The following SLC36A1 variants were observed in gnomAD, a reference collection of about 807,000 sequenced individuals.
SLC36A1 encodes proton-coupled amino acid transporter 1.
In SLC36A1, 30 loss-of-function variants were observed where a neutral mutation model predicts 47.5. The ratio of observed to expected loss-of-function variants is 0.63; its 90% confidence interval spans 0.47 to 0.86. SLC36A1 has a LOEUF of 0.86. Among genes scored for constraint, SLC36A1 ranks in the 40% least tolerant of loss-of-function variants. SLC36A1 has a pLI of 0.00. For missense variants in SLC36A1, 517 were observed against 606.0 expected (o/e 0.85, Z 1.54); for synonymous variants, 255 against 249.7 (o/e 1.02, Z -0.20).
chr5:151,442,229 A>G (rs1305340576), intron 1 of SLC36A1, among the ~76,000 whole-genome samples: 3 of 152,200 alleles, frequency 2.0e-5, no homozygotes, highest in Admixed American at 2.0e-4. Context: ...AGATAGTAAA[A>G]TTGTAACTAT....
At chr5:151,519,781 A>C in the SLC36A1 span, among the ~76,000 whole-genome samples, 4 of 152,106 alleles carry the variant, frequency 2.6e-5, no homozygotes, top group Non-Finnish European at 5.9e-5. Flanking sequence ...CCTCTTTTCA[A>C]CTGATTCTGG....
chr5:151,522,231 A>G, the SLC36A1 span: 2 of 618,094 alleles, frequency 3.2e-6, no homozygotes, highest in Non-Finnish European at 5.5e-6. Context: ...CATTTAGAAA[A>G]AAAAAACCTA....
chr5:151,534,886 G>A, the SLC36A1 span, among the ~76,000 whole-genome samples: 5 of 149,286 alleles, frequency 3.3e-5, no homozygotes, highest in African/African-American at 1.2e-4. Context: ...CTAAAAATAG[G>A]TATATTCTTA....
In SLC36A1 at chr5:151,467,732, C is replaced by T; in HGVS notation, c.530C>T (p.Thr177Ile). 1 of 1,614,054 alleles carries T rather than the reference C, an allele frequency of 6.2e-7. No homozygotes were observed. Among genetic ancestry groups the T allele is most frequent in the South Asian group, 1.1e-5 (1 of 91,064 alleles). The change falls in exon 7 of 11, where the codon ACC (threonine) becomes ATC (isoleucine). Residue 177 changes from threonine to isoleucine, a missense_variant. Coordinates refer to ENST00000243389, the MANE Select transcript of SLC36A1 (RefSeq NM_078483.4). The stretch of plus-strand genomic sequence containing the variant: ...GTGATAGAAGCGGCCAATGGGACCA[C>T]CAATAACTGCCACAACAATGAGACG... ...KQVIEAANGT[T>I]NNCHNNETVI...
the SLC36A1 span, among the ~76,000 whole-genome samples, chr5:151,358,417 A>C: frequency 1.7e-3 from 266 of 152,200 alleles, 1 homozygote; most frequent in Non-Finnish European, 2.5e-3. Flanking sequence ...AACTACAGGC[A>C]TGCACTACTG....
the SLC36A1 span, among the ~76,000 whole-genome samples, chr5:151,367,361 A>ATTTTTTTTTTTTTTT: frequency 2.7e-3 from 317 of 118,810 alleles, 11 homozygotes; most frequent in African/African-American, 8.2e-3. Context: ...CCAGGAATGC[A>ATTTTTTTTTTTTTTT]TTTTTTTTTT....
At chr5:151,422,660 T>C in the SLC36A1 span, among the ~76,000 whole-genome samples, 2 of 151,908 alleles carry the variant, frequency 1.3e-5, no homozygotes, top group African/African-American at 2.4e-5. Context: ...TCCAGGAGTT[T>C]GAGGCTGCAA....
At chr5:151,465,521 A>G (rs937811767) in intron 5 of SLC36A1, among the ~76,000 whole-genome samples, 1 of 152,216 alleles carries the variant, frequency 6.6e-6, no homozygotes, top group East Asian at 1.9e-4. Context: ...AGTTCTAGGT[A>G]AGAAGGGAAG....
intron 1 of SLC36A1, chr5:151,452,332 C>G (rs1315739943): frequency 6.6e-6 from 1 of 152,210 alleles, no homozygotes; most frequent in African/African-American, 2.4e-5. Context: ...TGTCTTTGTT[C>G]ATGTTTTTAG....
At chr5:151,477,481 C>T (rs1758228972) in intron 9 of SLC36A1, 1 of 152,366 alleles carries the variant, frequency 6.6e-6, no homozygotes, top group South Asian at 2.1e-4. Context: ...TCAGTATTTC[C>T]AGGGGCTTTC....
At chr5:151,542,157 G>A in the SLC36A1 span, 8 of 820,238 alleles carry the variant, frequency 9.8e-6, no homozygotes, top group Middle Eastern at 3.8e-4. Flanking sequence ...GTCCTAGGGG[G>A]TTAAGTGTGC....
At chr5:151,429,021 A>AC in the SLC36A1 span, among the ~76,000 whole-genome samples, 1 of 152,170 alleles carries the variant, frequency 6.6e-6, no homozygotes, top group Non-Finnish European at 1.5e-5. Context: ...CAGAAAATCC[A>AC]CAGAATGCCT....
At chr5:151,512,250 G>A in the SLC36A1 span, 1 of 1,614,206 alleles carries the variant, frequency 6.2e-7, no homozygotes, top group Admixed American at 1.7e-5. The surrounding 1 kb of genome is among the most constrained non-coding windows in gnomAD (Gnocchi z 4.1). Flanking sequence ...ACTGGGTGAG[G>A]GCTTGTGTCT....
At chr5:151,555,991 G>A in the SLC36A1 span, among the ~76,000 whole-genome samples, 2 of 152,204 alleles carry the variant, frequency 1.3e-5, no homozygotes, top group Non-Finnish European at 2.9e-5. Flanking sequence ...TCCTGGCTCT[G>A]CTACTGACCT....
the SLC36A1 span, chr5:151,551,571 T>C: frequency 6.2e-7 from 1 of 1,614,170 alleles, no homozygotes; most frequent in Non-Finnish European, 8.5e-7. Context: ...CTGCCTGTGG[T>C]CTTCTCAATG....
chr5:151,378,208 G>A, the SLC36A1 span: 1 of 243,638 alleles, frequency 4.1e-6, no homozygotes, highest in Non-Finnish European at 8.5e-6. Flanking sequence ...TCATGAGACT[G>A]TACAAACCAC....
the SLC36A1 span, among the ~76,000 whole-genome samples, chr5:151,392,656 T>C: frequency 6.6e-6 from 1 of 152,238 alleles, no homozygotes; most frequent in African/African-American, 2.4e-5. Context: ...CATTTCGTTA[T>C]GTACCCAGTA....
the SLC36A1 span, among the ~76,000 whole-genome samples, chr5:151,401,165 A>C: frequency 1.3e-5 from 2 of 152,140 alleles, no homozygotes; most frequent in African/African-American, 4.8e-5. Flanking sequence ...CTACATTTAA[A>C]GCTTTAATCC....
At chr5:151,345,178 G>C in the SLC36A1 span, among the ~76,000 whole-genome samples, 3 of 152,208 alleles carry the variant, frequency 2.0e-5, no homozygotes, top group Admixed American at 2.0e-4. Flanking sequence ...CCTGTACCAG[G>C]TTAAGTCAAG....
Sources: allele counts gnomAD v4.1 joint callset (sites outside exome capture counted in the v4.1 genomes callset), GRCh38; gene constraint gnomAD v4.1.1; non-coding constraint Gnocchi (gnomAD v3.1); transcripts MANE v1.5; gene names NCBI Gene and HGNC (gene_info 2026-07-23, HGNC 2026-07-21).